The following PCDHGA9 variants were observed in gnomAD, a reference collection of about 807,000 sequenced individuals.
The protein encoded by PCDHGA9 is protocadherin gamma-A9.
Under a neutral mutation model 62.5 loss-of-function variants are expected in PCDHGA9, and 37 were observed. The observed-to-expected ratio is 0.59, with a 90% CI of 0.46 to 0.78. The LOEUF is 0.78. Among genes scored for constraint, PCDHGA9 ranks in the 30% least tolerant of loss-of-function variants. PCDHGA9 has a pLI of 0.00. For missense variants in PCDHGA9, 1,138 were observed against 1,166.2 expected, an observed-to-expected ratio of 0.98 and a Z score of 0.35; for synonymous variants, 459 against 484.6, an observed-to-expected ratio of 0.95 and a Z score of 0.69.
chr5:141,432,266 T>G lies in PCDHGA9; in HGVS notation c.2424+26890T>G. ...CACCATCCAAGGGGCAAGCCTATCG[T>G]CCTACGTGTCCATCAACTCCGACAC... On this transcript the variant is annotated intron_variant, in intron 1 of 3. Transcript: ENST00000573521. This position sits in a 1 kb window ranked among gnomAD's most constrained non-coding sequence, Gnocchi z 6.0. The G allele has an allele frequency of 6.2e-7, 1 of 1,614,214 alleles. No individual in the cohort carries two copies. Among genetic ancestry groups the G allele is most frequent in the East Asian group, 2.2e-5 (1 of 44,880 alleles).
rs1271891195 is a variant in PCDHGA9, at chr5:141,477,108, C to A, written c.2425-17699C>A. The A allele has an allele frequency of 2.5e-6, 4 of 1,614,232 alleles. No individual in the cohort carries two copies. Among genetic ancestry groups the A allele is most frequent in the Non-Finnish European group, 2.5e-6 (3 of 1,180,046 alleles). ...CAGGCCAAAGACAAGGGCGCCAATCCCGAAGGAGCACATTGCAAAGTGTTG... is the reference window on the plus strand; with the variant it reads ...CAGGCCAAAGACAAGGGCGCCAATCACGAAGGAGCACATTGCAAAGTGTTG... On this transcript the variant is annotated intron_variant, in intron 1 of 3. Coordinates refer to ENST00000573521, the MANE Select transcript of PCDHGA9 (RefSeq NM_018921.3). The surrounding 1 kb of genome is among the most constrained non-coding windows in gnomAD (Gnocchi z 4.9).
chr5:141,409,130 G>A, intron 1 of PCDHGA9: 1 of 1,613,994 alleles, frequency 6.2e-7, no homozygotes, highest in South Asian at 1.1e-5. Context: ...ATTTGATTTT[G>A]AAGATGTAGA....
chr5:141,489,042 A>T lies in PCDHGA9; in HGVS notation c.2425-5765A>T. On this transcript the variant is annotated intron_variant, in intron 1 of 3. Coordinates refer to ENST00000573521, the MANE Select transcript of PCDHGA9 (RefSeq NM_018921.3). This position sits in a 1 kb window ranked among gnomAD's most constrained non-coding sequence, Gnocchi z 4.5. ...TCTCCTCCTCCAGCTCCCCAGCTCCACTCAAATTCAGCTCCCCTCCCCCCT... is the reference window on the plus strand; with the variant it reads ...TCTCCTCCTCCAGCTCCCCAGCTCCTCTCAAATTCAGCTCCCCTCCCCCCT... The T allele has an allele frequency of 4.2e-6, 2 of 473,800 alleles. No individual in the cohort carries two copies. The highest frequency in any genetic ancestry group is 3.7e-6 in the Non-Finnish European group (1 of 270,920). 29.3% of individuals were successfully genotyped at this position (473,800 alleles called of 1,614,324 possible).
rs2097542578 is a variant in PCDHGA9 at position 141,432,849 on chromosome 5, T to C, written c.2424+27473T>C. On this transcript the variant is annotated intron_variant, in intron 1 of 3. Coordinates refer to ENST00000573521, the MANE Select transcript of PCDHGA9 (RefSeq NM_018921.3). The surrounding 1 kb of genome is among the most constrained non-coding windows in gnomAD (Gnocchi z 6.0). ...CTCACTCTGTACCTGGTGGTAGCGG[T>C]GGCCGCGGTCTCCTGCGTCTTCCTG... 2 of 1,614,076 alleles carry C rather than the reference T, an allele frequency of 1.2e-6. No individual in the cohort carries two copies. Among genetic ancestry groups the C allele is most frequent in the South Asian group, 1.1e-5 (1 of 91,096 alleles).
Position 141,432,771 on chromosome 5 carries a change from T to G in PCDHGA9, c.2424+27395T>G. The G allele has an allele frequency of 6.2e-7, 1 of 1,614,006 alleles. No homozygotes were observed. The highest frequency in any genetic ancestry group is 8.5e-7 in the Non-Finnish European group (1 of 1,179,966). On this transcript the variant is annotated intron_variant, in intron 1 of 3. Coordinates refer to ENST00000573521, the MANE Select transcript of PCDHGA9 (RefSeq NM_018921.3). This position sits in a 1 kb window ranked among gnomAD's most constrained non-coding sequence, Gnocchi z 6.0. ...GCCGTGGCCGACAGCATCCCCCAAG[T>G]CCTGGCGGACCTCGGCAGCCTCGAG...
At chr5:141,510,408 T>C (rs1447722710) in intron 3 of PCDHGA9, among the ~76,000 whole-genome samples, 1 of 151,878 alleles carries the variant, frequency 6.6e-6, no homozygotes, top group African/African-American at 2.4e-5. Flanking sequence ...GCTAGGGGCA[T>C]GTAAAGCCAT....
intron 2 of PCDHGA9, among the ~76,000 whole-genome samples, chr5:141,501,301 ACAC>A (rs1380901086): frequency 6.6e-6 from 1 of 150,882 alleles, no homozygotes; most frequent in African/African-American, 2.4e-5. Context: ...ACACACACAC[ACAC>A]ACACACACAC....
chr5:141,499,322 T>C (rs1186220818), intron 2 of PCDHGA9, among the ~76,000 whole-genome samples: 1 of 152,218 alleles, frequency 6.6e-6, no homozygotes, highest in Non-Finnish European at 1.5e-5. Context: ...ACAGTATCCC[T>C]GCTCTCTCTC....
Position 141,403,591 on chromosome 5 carries a change from G to C in PCDHGA9, c.639G>C (p.Thr213=). The part of the protein sequence containing the change: ...EEATAHHLVL[T]ASDGGEPRRS... ...CAACTGCCCACCACCTGGTCCTCAC[G>C]GCCTCGGATGGCGGCGAGCCGCGTC... Residue 213 remains threonine (T), a synonymous_variant, in exon 1 of 4, where the codon ACG becomes ACC. Transcript: ENST00000573521. The C allele has an allele frequency of 1.2e-6, 2 of 1,613,836 alleles. No homozygotes were observed. The highest frequency in any genetic ancestry group is 1.1e-5 in the South Asian group (1 of 91,090).
chr5:141,409,928 G>T, intron 1 of PCDHGA9: 4 of 1,613,354 alleles, frequency 2.5e-6, no homozygotes, highest in Non-Finnish European at 2.5e-6. Flanking sequence ...CGCGTTCTTC[G>T]ATATGGTACC....
In PCDHGA9 at chr5:141,432,012, A is replaced by G. The variant is rs756906117; in HGVS notation, c.2424+26636A>G. ...TTGGATAGGGAACAGGTTCCTAGCT[A>G]CAACATCACAGTGACCGCCACTGAC... On this transcript the variant is annotated intron_variant, in intron 1 of 3. Transcript: ENST00000573521. The surrounding 1 kb of genome is among the most constrained non-coding windows in gnomAD (Gnocchi z 6.0). The G allele has an allele frequency of 1.1e-5, 18 of 1,614,056 alleles. No homozygotes were observed. The highest frequency in any genetic ancestry group is 1.3e-5 in the Non-Finnish European group (15 of 1,180,008).
Position 141,489,213 on chromosome 5 carries a change from T to G in PCDHGA9, c.2425-5594T>G, listed in dbSNP as rs372898969. 11 of 1,473,392 alleles carry G rather than the reference T, an allele frequency of 7.5e-6. No homozygotes were observed. The highest frequency in any genetic ancestry group is 6.4e-6 in the Non-Finnish European group (7 of 1,091,332). 91.3% of individuals were successfully genotyped at this position (1,473,392 alleles called of 1,614,324 possible). On this transcript the variant is annotated intron_variant, in intron 1 of 3. Coordinates refer to ENST00000573521, the MANE Select transcript of PCDHGA9 (RefSeq NM_018921.3). This position sits in a 1 kb window ranked among gnomAD's most constrained non-coding sequence, Gnocchi z 4.5. Reference sequence around the variant, plus strand: ...ACCTTGGAGACAGGACAGCACAGACTTACTCTCCACAAAGGGACTTCTGGG... The same window carrying G: ...ACCTTGGAGACAGGACAGCACAGACGTACTCTCCACAAAGGGACTTCTGGG...
chr5:141,487,516 G>A lies in PCDHGA9; in HGVS notation c.2425-7291G>A, dbSNP rs2099648095. On this transcript the variant is annotated intron_variant, in intron 1 of 3. Coordinates refer to ENST00000573521, the MANE Select transcript of PCDHGA9 (RefSeq NM_018921.3). The surrounding 1 kb of genome is among the most constrained non-coding windows in gnomAD (Gnocchi z 5.0). ...CACCCTTGGCTTCTGCACCCACTCG[G>A]AGTGATAGCTTCATGATGGTGAAGT... 6.2e-7 allele frequency: 1 copy of A among 1,614,078 alleles called. No individual in the cohort carries two copies. The highest frequency in any genetic ancestry group is 1.7e-5 in the Admixed American group (1 of 60,010).
In PCDHGA9 at chr5:141,485,470, T is replaced by C; in HGVS notation, c.2425-9337T>C. ...ACCGAGAGGCACTGTGTGGGCTCAG[T>C]GCCAGCTGCATCGTGCCCCTGGAGT... On this transcript the variant is annotated intron_variant, in intron 1 of 3. Coordinates refer to ENST00000573521, the MANE Select transcript of PCDHGA9 (RefSeq NM_018921.3). This position sits in a 1 kb window ranked among gnomAD's most constrained non-coding sequence, Gnocchi z 5.7. 1.9e-6 allele frequency: 3 copies of C among 1,614,110 alleles called. No individual in the cohort carries two copies. The highest frequency in any genetic ancestry group is 2.5e-6 in the Non-Finnish European group (3 of 1,180,002).
At chr5:141,427,365 TG>T (rs1391779401) in intron 1 of PCDHGA9, 2 of 457,804 alleles carry the variant, frequency 4.4e-6, no homozygotes, top group Non-Finnish European at 8.8e-6. Flanking sequence ...CGCAGAACCC[TG>T]GACGGTGATC....
chr5:141,476,574 G>A lies in PCDHGA9; in HGVS notation c.2425-18233G>A, dbSNP rs746783993. ...AGCGAGGCCGTGGCTCCGGGGACGC[G>A]CTTTCCGCTCGAGAGCGCGCACGAT... is the stretch of plus-strand genomic sequence containing the variant. On this transcript the variant is annotated intron_variant, in intron 1 of 3. Coordinates refer to ENST00000573521, the MANE Select transcript of PCDHGA9 (RefSeq NM_018921.3). The surrounding 1 kb of genome is among the most constrained non-coding windows in gnomAD (Gnocchi z 7.6). 40 of 1,614,084 alleles carry A rather than the reference G, an allele frequency of 2.5e-5. No homozygotes were observed. In the African/African-American group the frequency reaches 3.7e-4, roughly 15 times the overall value.
At chr5:141,452,528 A>T (rs1592223895) in intron 1 of PCDHGA9, among the ~76,000 whole-genome samples, 1 of 152,206 alleles carries the variant, frequency 6.6e-6, no homozygotes, top group African/African-American at 2.4e-5. Flanking sequence ...CAAAATCGTG[A>T]GTTCATATTG....
At chr5:141,455,860 ATTATTTAT>A (rs145569377) in intron 1 of PCDHGA9, among the ~76,000 whole-genome samples, 26,605 of 139,696 alleles carry the variant, frequency 0.19, 2,610 homozygotes, top group Middle Eastern at 0.23. Context: ...AATTTCTTTT[ATTATTTAT>A]TTATTTATTT....
intron 2 of PCDHGA9, among the ~76,000 whole-genome samples, chr5:141,503,351 C>T (rs1186394919): frequency 6.6e-6 from 1 of 151,994 alleles, no homozygotes; most frequent in Admixed American, 6.6e-5. Context: ...AATTCCAGCA[C>T]TTTGGGAAGC....
Sources: allele counts gnomAD v4.1 joint callset (sites outside exome capture counted in the v4.1 genomes callset), GRCh38; gene constraint gnomAD v4.1.1; non-coding constraint Gnocchi (gnomAD v3.1); transcripts MANE v1.5; gene names NCBI Gene and HGNC (gene_info 2026-07-23, HGNC 2026-07-21).